The following EML4 variants were observed in gnomAD, a reference collection of about 807,000 sequenced individuals.
EML4 encodes EMAP like 4, also known as echinoderm microtubule-associated protein-like 4.
EML4 carries 72 observed loss-of-function variants against 129.0 expected under a neutral mutation model. The ratio of observed to expected loss-of-function variants is 0.56; its 90% CI spans 0.46 to 0.68. The LOEUF (loss-of-function observed/expected upper bound fraction) is 0.68, where lower values mean the gene tolerates loss of function less well. Ranked by LOEUF, EML4 falls within the 30% of genes least tolerant of loss-of-function variation. EML4 has a pLI of 0.00. For synonymous variants in EML4, 532 were observed against 405.0 expected (o/e 1.31, Z -3.77); for missense variants, 1,363 against 1,190.6 (o/e 1.14, Z -2.13).
chr2:42,178,044 G>GA (rs1162940577), intron 1 of EML4, among the ~76,000 whole-genome samples: 3 of 152,194 alleles, frequency 2.0e-5, no homozygotes, highest in African/African-American at 7.2e-5. Context: ...TGAACAATCA[G>GA]AAGTAATCAT....
intron 1 of EML4, among the ~76,000 whole-genome samples, chr2:42,200,665 C>T (rs1217536433): frequency 6.6e-6 from 1 of 152,146 alleles, no homozygotes; most frequent in African/African-American, 2.4e-5. Flanking sequence ...CAGTAATCCT[C>T]AAGTTCAGCA....
chr2:42,330,766 A>G lies in EML4; in HGVS notation c.*559A>G, dbSNP rs1670063292. On this transcript the variant is annotated 3_prime_UTR_variant, in exon 23 of 23. Coordinates refer to ENST00000318522, the MANE Select transcript of EML4 (RefSeq NM_019063.5). ...GCAATGGTGTTGCCTTCTTTAAAAA[A>G]TGCCGTTTTCTTACACTACCAGTGG... is the stretch of plus-strand genomic sequence containing the variant. 4.5e-6 allele frequency: 1 copy of G among 220,284 alleles called. No individual in the cohort carries two copies. Among genetic ancestry groups the G allele is most frequent in the African/African-American group, 2.3e-5 (1 of 43,882 alleles). 13.6% of individuals were successfully genotyped at this position (220,284 alleles called of 1,614,324 possible).
intron 16 of EML4, among the ~76,000 whole-genome samples, chr2:42,303,999 A>G (rs1382216780): frequency 1.3e-5 from 2 of 152,236 alleles, no homozygotes; most frequent in Non-Finnish European, 2.9e-5. Context: ...TAGTAAAATC[A>G]TAAAGATTTC....
At chr2:42,222,674 T>C (rs1197606183) in intron 1 of EML4, among the ~76,000 whole-genome samples, 1 of 152,204 alleles carries the variant, frequency 6.6e-6, no homozygotes, top group African/African-American at 2.4e-5. Context: ...AACTGTACTG[T>C]GTAAACAGTG....
At chr2:42,287,145 G>A (rs529998675) in intron 10 of EML4, among the ~76,000 whole-genome samples, 3 of 152,142 alleles carry the variant, frequency 2.0e-5, no homozygotes, top group Non-Finnish European at 4.4e-5. Context: ...ATTGGCAACT[G>A]TATTCTGGAT....
At chr2:42,183,400 A>G (rs1671063060) in intron 1 of EML4, among the ~76,000 whole-genome samples, 1 of 152,204 alleles carries the variant, frequency 6.6e-6, no homozygotes, top group Non-Finnish European at 1.5e-5. Context: ...TTTTAAGCAC[A>G]TGATCCTTTT....
At chr2:42,172,452 G>A (rs1254967987) in intron 1 of EML4, among the ~76,000 whole-genome samples, 2 of 152,124 alleles carry the variant, frequency 1.3e-5, no homozygotes, top group East Asian at 1.9e-4. Context: ...TTTTATAAAT[G>A]CCACATTGAA....
chr2:42,202,256 G>A (rs550197210), intron 1 of EML4, among the ~76,000 whole-genome samples: 3 of 152,130 alleles, frequency 2.0e-5, no homozygotes, highest in Non-Finnish European at 4.4e-5. Flanking sequence ...ATAAGGTATT[G>A]TAGGCCAGGT....
chr2:42,241,333 GCT>G (rs1675015758), intron 1 of EML4, among the ~76,000 whole-genome samples: 1 of 152,180 alleles, frequency 6.6e-6, no homozygotes. Context: ...TAACTACTAT[GCT>G]CTGTTACATT....
chr2:42,203,665 T>TC (rs1264370245), intron 1 of EML4, among the ~76,000 whole-genome samples: 2 of 142,394 alleles, frequency 1.4e-5, no homozygotes, highest in African/African-American at 2.6e-5. Context: ...AGAAGTTCCC[T>TC]CCCCCCACAT....
intron 16 of EML4, among the ~76,000 whole-genome samples, chr2:42,303,727 C>T (rs1668434392): frequency 6.6e-6 from 1 of 152,138 alleles, no homozygotes; most frequent in Admixed American, 6.5e-5. Flanking sequence ...AGATCGAGAC[C>T]ATCCTGGCTA....
rs1322228419 is a variant in EML4 at position 42,301,382 on chromosome 2, G to C, written c.1631G>C (p.Arg544Thr). The C allele has an allele frequency of 6.2e-7, 1 of 1,610,660 alleles. No individual in the cohort carries two copies. The highest frequency in any genetic ancestry group is 2.2e-5 in the East Asian group (1 of 44,598). The change falls in exon 14 of 23, where the codon AGA (arginine) becomes ACA (threonine). Residue 544 changes from arginine (R) to threonine (T), a missense_variant. Transcript: ENST00000318522. ...TGGGATCATGATCTGAATCCTGAAA[G>C]AGAAATAGAGGTAAGGATGGAAACG... is the stretch of plus-strand genomic sequence containing the variant. ...ILWDHDLNPEREIEVPDQYGT... is the reference protein window; with the variant it reads ...ILWDHDLNPETEIEVPDQYGT...
chr2:42,284,513 AAAC>A (rs1439320663), intron 8 of EML4, 118 bp from the exon 9 acceptor site: 7 of 555,392 alleles, frequency 1.3e-5, no homozygotes, highest in Non-Finnish European at 2.2e-5. Context: ...TTGCTGAAGA[AAAC>A]AGATAAACGT....
intron 18 of EML4, among the ~76,000 whole-genome samples, chr2:42,316,937 C>T (rs182237486): frequency 1.1e-3 from 173 of 152,200 alleles, no homozygotes; most frequent in African/African-American, 3.7e-3. Context: ...AGCAAATAAC[C>T]ACTGCAAATA....
chr2:42,308,124 A>G (rs1668720515), intron 17 of EML4, among the ~76,000 whole-genome samples: 1 of 152,268 alleles, frequency 6.6e-6, no homozygotes, highest in African/African-American at 2.4e-5. Context: ...AAGTACAATT[A>G]TCATTTTAAA....
chr2:42,260,175 GTT>G (rs900866107), intron 3 of EML4, among the ~76,000 whole-genome samples: 2 of 150,290 alleles, frequency 1.3e-5, no homozygotes, highest in African/African-American at 4.9e-5. Flanking sequence ...TCTGTGATTT[GTT>G]TGTTTTTTGA....
intron 1 of EML4, among the ~76,000 whole-genome samples, chr2:42,236,791 T>G (rs1340862212): frequency 6.6e-6 from 1 of 152,180 alleles, no homozygotes; most frequent in Non-Finnish European, 1.5e-5. Flanking sequence ...GTTGGAGAGC[T>G]TGTATCCCTC....
At chr2:42,224,762 G>GA (rs1191656918) in intron 1 of EML4, among the ~76,000 whole-genome samples, 1 of 151,946 alleles carries the variant, frequency 6.6e-6, no homozygotes, top group Non-Finnish European at 1.5e-5. Context: ...ATCTCATTAT[G>GA]ATTTTTTATT....
intron 11 of EML4, among the ~76,000 whole-genome samples, chr2:42,293,710 C>G (rs988417642): frequency 6.6e-6 from 1 of 152,112 alleles, no homozygotes; most frequent in African/African-American, 2.4e-5. Context: ...CTCCCGGGTT[C>G]AAGCAATTCT....
Sources: gnomAD v4.1 joint callset for allele counts (sites outside exome capture counted in the v4.1 genomes callset) on GRCh38, gnomAD v4.1.1 for gene constraint, MANE v1.5 for transcripts, NCBI Gene and HGNC (gene_info 2026-07-23, HGNC 2026-07-21) for gene names.